Variants in CCDC141 observed in about 807,000 individuals in gnomAD.
CCDC141 encodes the protein coiled-coil domain-containing protein 141.
In CCDC141, 168 loss-of-function variants were observed where a neutral mutation model predicts 181.0. The observed-to-expected ratio is 0.93, with a 90% CI of 0.82 to 1.05. CCDC141 has a LOEUF of 1.05. CCDC141 is among the 50% of genes least tolerant of loss of function. CCDC141 has a pLI of 0.00. For missense variants in CCDC141, 1,902 were observed against 1,788.5 expected (o/e 1.06, Z -1.14); for synonymous variants, 666 against 642.3 (o/e 1.04, Z -0.56).
intron 2 of CCDC141, among the ~76,000 whole-genome samples, chr2:179,013,960 CAAAAAAAAAAA>C (rs59851189): frequency 6.4e-5 from 3 of 46,858 alleles, no homozygotes; most frequent in East Asian, 7.9e-4. Flanking sequence ...GACTCCATCT[CAAAAAAAAAAA>C]AAAAAAAAAA....
At chr2:179,007,857 G>A (rs2042158614) in intron 2 of CCDC141, among the ~76,000 whole-genome samples, 1 of 152,166 alleles carries the variant, frequency 6.6e-6, no homozygotes, top group Non-Finnish European at 1.5e-5. Flanking sequence ...TTTAATATAT[G>A]TCTGAATTAA....
At chr2:178,819,077 A>G in the CCDC141 span, among the ~76,000 whole-genome samples, 1 of 152,222 alleles carries the variant, frequency 6.6e-6, no homozygotes, top group Non-Finnish European at 1.5e-5. Flanking sequence ...TTTCCAAAGT[A>G]AAAAAGCTAC....
intron 6 of CCDC141, among the ~76,000 whole-genome samples, chr2:178,926,042 T>C (rs752519565): frequency 2.0e-5 from 3 of 152,140 alleles, no homozygotes; most frequent in Admixed American, 1.3e-4. Flanking sequence ...TTAAAAAGGC[T>C]CTTAAATCTG....
At chr2:179,012,355 C>T (rs890119986) in intron 2 of CCDC141, among the ~76,000 whole-genome samples, 2 of 152,024 alleles carry the variant, frequency 1.3e-5, no homozygotes, top group Non-Finnish European at 2.9e-5. Context: ...CTTTCATGCA[C>T]ATAGAAAACC....
chr2:179,044,161 A>ATGCT, intron 2 of CCDC141, among the ~76,000 whole-genome samples: 1 of 152,350 alleles, frequency 6.6e-6, no homozygotes, highest in Admixed American at 6.5e-5. Flanking sequence ...CAGAGATGAC[A>ATGCT]CAAACAAATG....
chr2:179,013,795 A>C (rs184092596), intron 2 of CCDC141, among the ~76,000 whole-genome samples: 1 of 151,732 alleles, frequency 6.6e-6, no homozygotes, highest in East Asian at 1.9e-4. Flanking sequence ...GTGAAACCCC[A>C]TCTCTACTAA....
At chr2:178,849,261 C>A (rs145823247) in intron 21 of CCDC141, among the ~76,000 whole-genome samples, 3,069 of 152,294 alleles carry the variant, frequency 0.02, 28 homozygotes, top group Non-Finnish European at 0.028. Context: ...ACAGTCAATC[C>A]TCCGGGCTAC....
rs374170699 is a variant in CCDC141 at position 178,986,934 on chromosome 2, A to C, written c.226-8259T>G. 9.9e-5 allele frequency among the ~76,000 whole-genome samples: 15 copies of C among 151,980 alleles called. No homozygotes were observed. In the East Asian group the frequency reaches 1.4e-3, roughly 14 times the overall value. ...TTCAATGCCATCCCCATCAAGCTAC[A>C]AATGACTTTCTTCACAGAATTGGAA... is the stretch of plus-strand genomic sequence containing the variant. On this transcript the variant is annotated intron_variant, in intron 2 of 23. Coordinates refer to ENST00000443758, the MANE Select transcript of CCDC141 (RefSeq NM_173648.4).
chr2:179,031,672 G>A (rs2043004128), intron 2 of CCDC141, among the ~76,000 whole-genome samples: 1 of 152,018 alleles, frequency 6.6e-6, no homozygotes. Flanking sequence ...TACATATGCA[G>A]CTGACATTTG....
chr2:178,902,112 A>C (rs2154372544), intron 8 of CCDC141, among the ~76,000 whole-genome samples: 1 of 152,350 alleles, frequency 6.6e-6, no homozygotes, highest in South Asian at 2.1e-4. Flanking sequence ...AAGAGTATAC[A>C]AACAAATGGA....
At position 178,984,553 on chromosome 2, in the gene CCDC141, G is replaced by T. The variant is rs1482322199; in HGVS notation, c.226-5878C>A. Among the ~76,000 whole-genome samples the T allele has an allele frequency of 2.0e-5, 3 of 151,078 alleles. No homozygotes were observed. In the East Asian group the frequency reaches 5.8e-4, roughly 29 times the overall value. Reference sequence around the variant, plus strand: ...ATAAAGAGTCAAGACCCATCAGTGTGCTGTATTCAGGAAACCCATCTCACG... The same window carrying T: ...ATAAAGAGTCAAGACCCATCAGTGTTCTGTATTCAGGAAACCCATCTCACG... On this transcript the variant is annotated intron_variant, in intron 2 of 23. Coordinates refer to ENST00000443758, the MANE Select transcript of CCDC141 (RefSeq NM_173648.4).
chr2:179,043,153 C>A (rs183138274), intron 2 of CCDC141, among the ~76,000 whole-genome samples: 4 of 152,122 alleles, frequency 2.6e-5, no homozygotes, highest in African/African-American at 9.6e-5. Context: ...ACACATGTAC[C>A]CTCCCAAGAC....
chr2:178,984,118 C>G (rs866235714), intron 2 of CCDC141, among the ~76,000 whole-genome samples: 1 of 152,054 alleles, frequency 6.6e-6, no homozygotes, highest in Non-Finnish European at 1.5e-5. Context: ...GTGGATCTCT[C>G]GGCAGAAACC....
intron 23 of CCDC141, among the ~76,000 whole-genome samples, chr2:178,835,067 TA>T (rs964277281): frequency 2.0e-5 from 3 of 152,194 alleles, no homozygotes; most frequent in African/African-American, 7.2e-5. Flanking sequence ...TTGCTCATAG[TA>T]ACAATTACCT....
intron 6 of CCDC141, among the ~76,000 whole-genome samples, chr2:178,939,834 G>T (rs545270052): frequency 1.3e-5 from 2 of 152,046 alleles, no homozygotes; most frequent in South Asian, 4.2e-4. Context: ...GCACTTAGGG[G>T]TATCTCCCCA....
At chr2:178,824,061 A>AACACACACAAACACAC in the CCDC141 span, among the ~76,000 whole-genome samples, 143 of 147,520 alleles carry the variant, frequency 9.7e-4, no homozygotes, top group African/African-American at 3.5e-3. Flanking sequence ...TACAGAGAAA[A>AACACACACAAACACAC]ACACACACAC....
intron 2 of CCDC141, chr2:179,002,710 A>ATTT (rs1273359966): frequency 6.3e-6 from 1 of 159,876 alleles, no homozygotes; most frequent in Non-Finnish European, 1.4e-5. Context: ...CCAGGAGCAG[A>ATTT]TTTTCAAGAA....
chr2:178,865,982 T>A, intron 16 of CCDC141, 66 bp from the exon 17 acceptor site: 1 of 1,234,380 alleles, frequency 8.1e-7, no homozygotes, highest in Non-Finnish European at 1.1e-6. Context: ...GTAGGCTATT[T>A]ACCTGAATTA....
intron 4 of CCDC141, among the ~76,000 whole-genome samples, chr2:178,968,597 G>A (rs1038420391): frequency 6.6e-6 from 1 of 152,102 alleles, no homozygotes; most frequent in Admixed American, 6.5e-5. Flanking sequence ...AGTGAGTAGA[G>A]GGAAATTTAT....
Sources: gnomAD v4.1 joint callset for allele counts (sites outside exome capture counted in the v4.1 genomes callset) on GRCh38, gnomAD v4.1.1 for gene constraint, MANE v1.5 for transcripts, NCBI Gene and HGNC (gene_info 2026-07-23, HGNC 2026-07-21) for gene names.